The following TMX3 variants were observed in gnomAD, a reference collection of about 807,000 sequenced individuals.
TMX3 encodes the protein thioredoxin related transmembrane protein 3, also known as protein disulfide-isomerase TMX3.
Under a neutral mutation model 64.4 loss-of-function variants are expected in TMX3, and 40 were observed. The observed-to-expected ratio is 0.62, with a 90% CI of 0.48 to 0.81. The LOEUF is 0.81. TMX3 is among the 30% of genes least tolerant of loss of function. The probability of loss-of-function intolerance (pLI) is 0.00; values close to 1 mark genes in which losing one functional copy is unlikely to be tolerated. For synonymous variants in TMX3, 189 were observed against 175.7 expected (o/e 1.08, Z -0.60); for missense variants, 497 against 534.5 (o/e 0.93, Z 0.69).
intron 12 of TMX3, among the ~76,000 whole-genome samples, chr18:68,683,740 T>C (rs1329711593): frequency 2.0e-5 from 3 of 152,258 alleles, no homozygotes; most frequent in East Asian, 3.9e-4. Context: ...AAATGCAATG[T>C]GCTATACAGT....
intron 4 of TMX3, among the ~76,000 whole-genome samples, chr18:68,704,697 T>C (rs996782687): frequency 1.3e-5 from 2 of 152,198 alleles, no homozygotes; most frequent in African/African-American, 2.4e-5. Flanking sequence ...AAGAGTCCAT[T>C]TGCAACAAGA....
At chr18:68,684,374 C>T (rs1913740678) in intron 11 of TMX3, 54 bp downstream of exon 11, 1 of 1,546,302 alleles carries the variant, frequency 6.5e-7, no homozygotes, top group Admixed American at 1.7e-5. Flanking sequence ...CTATCTAAAG[C>T]CATATAGTCT....
At position 68,691,298 on chromosome 18, in the gene TMX3, C is replaced by G; in HGVS notation, c.634G>C (p.Asp212His). ...GAGTTAAAGATTTGGAACTTACCAT[C>G]ATAAACAAAGTAAGTTTCATCTTTG... ...VFKDETYFVY[D>H]EYEDGDLSSW... The change falls in exon 9 of 16, where the codon GAT (aspartate) becomes CAT (histidine). Residue 212 changes from aspartate (D) to histidine (H), a missense_variant. Around this residue, in one of 3 missense-constraint regions of TMX3, gnomAD observed 360 missense variants for 383.5 expected, o/e 0.94. Coordinates refer to ENST00000299608, the MANE Select transcript of TMX3 (RefSeq NM_019022.5). 1 of 1,580,496 alleles carries G rather than the reference C, an allele frequency of 6.3e-7. No individual in the cohort carries two copies. Among genetic ancestry groups the G allele is most frequent in the Non-Finnish European group, 8.6e-7 (1 of 1,159,208 alleles).
rs77544287 is a variant in TMX3 at position 68,705,332 on chromosome 18, C to A, written c.266-3542G>T. ...TTCCTCTGCACCAAAAACAAACAAACAAAAAAACCCACAGAACTATCCAGC... is the reference window on the plus strand; with the variant it reads ...TTCCTCTGCACCAAAAACAAACAAAAAAAAAAACCCACAGAACTATCCAGC... On this transcript the variant is annotated intron_variant, in intron 4 of 15. Coordinates refer to ENST00000299608, the MANE Select transcript of TMX3 (RefSeq NM_019022.5). 9.0e-4 allele frequency among the ~76,000 whole-genome samples: 137 copies of A among 152,138 alleles called. 3 individuals carry two copies. In the East Asian group the frequency reaches 0.023, roughly 26 times the overall value.
chr18:68,693,589 C>T (rs777335305), intron 8 of TMX3, among the ~76,000 whole-genome samples: 2 of 152,282 alleles, frequency 1.3e-5, no homozygotes, highest in Middle Eastern at 3.4e-3. Context: ...GCGGCGCTGA[C>T]GTGCCAGCTC....
At chr18:68,711,295 G>C in intron 3 of TMX3, 69 bp downstream of exon 3, 1 of 1,220,720 alleles carries the variant, frequency 8.2e-7, no homozygotes, top group Non-Finnish European at 1.1e-6. Flanking sequence ...TTTTTGGGTA[G>C]AGTAGAATAG....
At chr18:68,706,738 T>C (rs1299427962) in intron 4 of TMX3, among the ~76,000 whole-genome samples, 1 of 152,228 alleles carries the variant, frequency 6.6e-6, no homozygotes, top group Non-Finnish European at 1.5e-5. Context: ...TTCCATTTTT[T>C]ACCTGTTTGA....
rs562266736 is a variant in TMX3, at chr18:68,711,291, G to C, written c.141+73C>G. ...CACTAGCTGTTTACTGCCATTTTTG[G>C]GTAGAGTAGAATAGAAAATAATACT... On this transcript the variant is annotated intron_variant, in intron 3 of 15. Coordinates refer to ENST00000299608, the MANE Select transcript of TMX3 (RefSeq NM_019022.5). The C allele has an allele frequency of 4.3e-5, 49 of 1,149,200 alleles. 1 individual carries two copies. In the South Asian group the frequency reaches 8.3e-4, roughly 19 times the overall value. 71.2% of individuals were successfully genotyped at this position (1,149,200 alleles called of 1,614,324 possible).
chr18:68,700,963 G>T (rs375483), intron 5 of TMX3: 130,029 of 981,560 alleles, frequency 0.13, 16,470 homozygotes, highest in African/African-American at 0.63. Flanking sequence ...TTCTAGAAAC[G>T]TACATAATTC....
intron 4 of TMX3, among the ~76,000 whole-genome samples, chr18:68,702,929 C>T (rs912922597): frequency 6.6e-6 from 1 of 152,174 alleles, no homozygotes; most frequent in Non-Finnish European, 1.5e-5. Flanking sequence ...TGGACAGTGG[C>T]CGACACGTAT....
chr18:68,691,928 CAAAT>C (rs1039262548), intron 8 of TMX3, among the ~76,000 whole-genome samples: 101 of 151,902 alleles, frequency 6.6e-4, no homozygotes, highest in African/African-American at 2.4e-3. Context: ...TATCAGAAGA[CAAAT>C]AATTTGAGTA....
intron 13 of TMX3, chr18:68,681,486 A>AT: frequency 1.0e-6 from 1 of 984,072 alleles, no homozygotes; most frequent in Non-Finnish European, 1.2e-6. Flanking sequence ...TTTTCTCTTG[A>AT]TTCTTCATTA....
intron 10 of TMX3, chr18:68,687,099 A>T: frequency 1.0e-6 from 1 of 983,054 alleles, no homozygotes. Flanking sequence ...AATATTTCTC[A>T]TTTCTAATTT....
chr18:68,686,906 T>C (rs907161013), intron 10 of TMX3: 100 of 985,066 alleles, frequency 1.0e-4, no homozygotes, highest in Non-Finnish European at 1.1e-4. Context: ...TGTAAGAATG[T>C]CTCTAATTTT....
chr18:68,687,202 A>G (rs1914049386), intron 10 of TMX3: 7 of 985,318 alleles, frequency 7.1e-6, no homozygotes, highest in Non-Finnish European at 7.2e-6. Context: ...GGCTTCTTAC[A>G]GCTTTCATTT....
intron 8 of TMX3, among the ~76,000 whole-genome samples, chr18:68,693,035 T>C (rs377465546): frequency 2.8e-4 from 43 of 152,340 alleles, no homozygotes; most frequent in African/African-American, 9.9e-4. Flanking sequence ...GATACAAAAA[T>C]GTGGCTCACT....
Position 68,676,979 on chromosome 18 carries a change from G to C in TMX3, c.1319C>G (p.Pro440Arg). 1 of 1,613,710 alleles carries C rather than the reference G, an allele frequency of 6.2e-7. No individual in the cohort carries two copies. Among genetic ancestry groups the C allele is most frequent in the Non-Finnish European group, 8.5e-7 (1 of 1,179,776 alleles). ...QEPSSGGSVV[P>R]TVQEPKDVLE... is the part of the protein sequence containing the mutation. ...TACATCCTTGGGCTCCTGCACTGTAGGCACTACAGATCCTCCACTGCTGGG... is the reference window on the plus strand; with the variant it reads ...TACATCCTTGGGCTCCTGCACTGTACGCACTACAGATCCTCCACTGCTGGG... Residue 440 changes from proline (P) to arginine (R), a missense_variant, in exon 16 of 16, where the codon CCT (proline) becomes CGT (arginine). This residue lies in a region of TMX3 where 94 missense variants were observed against 75.8 expected (regional missense o/e 1.24). Transcript: ENST00000299608.
chr18:68,701,656 C>G (rs1047457143), intron 5 of TMX3, 89 bp downstream of exon 5: 2 of 1,581,300 alleles, frequency 1.3e-6, no homozygotes, highest in Non-Finnish European at 8.6e-7. Context: ...CTTCAATCCT[C>G]CAGGGAATCT....
chr18:68,710,177 A>T (rs2031134439), intron 3 of TMX3, 33 bp from the exon 4 acceptor site: 1 of 1,495,426 alleles, frequency 6.7e-7, no homozygotes, highest in South Asian at 1.4e-5. Context: ...CAAACAAAAA[A>T]AGATAACCAT....
Sources: allele counts gnomAD v4.1 joint callset (sites outside exome capture counted in the v4.1 genomes callset), GRCh38; gene constraint gnomAD v4.1.1; regional missense constraint gnomAD v4.1.1; transcripts MANE v1.5; gene names NCBI Gene and HGNC (gene_info 2026-07-23, HGNC 2026-07-21).